Variants in FBXO34 observed in about 807,000 individuals in gnomAD.
FBXO34 encodes F-box protein 34, also known as F-box only protein 34.
FBXO34 carries 12 observed loss-of-function variants against 24.5 expected under a neutral mutation model. The observed-to-expected ratio is 0.49, with a 90% CI of 0.31 to 0.79. FBXO34 has a LOEUF of 0.79. Among genes scored for constraint, FBXO34 ranks in the 30% least tolerant of loss-of-function variants. FBXO34 has a pLI of 0.04. For missense variants in FBXO34, 823 were observed against 857.7 expected (o/e 0.96, Z 0.51); for synonymous variants, 320 against 311.9 (o/e 1.03, Z -0.27).
At chr14:55,381,870 A>T in the FBXO34 span, 1 of 1,072,996 alleles carries the variant, frequency 9.3e-7, no homozygotes, top group Non-Finnish European at 1.4e-6. Flanking sequence ...AATGCCCCTG[A>T]ATGGTTCACT....
chr14:55,332,794 A>T (rs1285087827), intron 1 of FBXO34, among the ~76,000 whole-genome samples: 1 of 152,150 alleles, frequency 6.6e-6, no homozygotes, highest in African/African-American at 2.4e-5. Flanking sequence ...TTCACTTTCT[A>T]AACTTTTATC....
the FBXO34 span, among the ~76,000 whole-genome samples, chr14:55,439,062 C>T: frequency 0.52 from 78,586 of 150,916 alleles, 20,624 homozygotes; most frequent in East Asian, 0.65. Context: ...CTCAGCCTCC[C>T]GAGTAGCTGG....
chr14:55,412,934 C>T, the FBXO34 span, among the ~76,000 whole-genome samples: 1 of 152,192 alleles, frequency 6.6e-6, no homozygotes, highest in Non-Finnish European at 1.5e-5. Flanking sequence ...ATTAGCCCGT[C>T]CCTCCCTGTT....
At chr14:55,304,497 C>T (rs1002618565) in intron 1 of FBXO34, among the ~76,000 whole-genome samples, 2 of 151,662 alleles carry the variant, frequency 1.3e-5, no homozygotes, top group Non-Finnish European at 2.9e-5. Flanking sequence ...CAGCCAGTCC[C>T]TCACCCTGCT....
chr14:55,416,470 A>T, the FBXO34 span, among the ~76,000 whole-genome samples: 1 of 152,188 alleles, frequency 6.6e-6, no homozygotes, highest in Non-Finnish European at 1.5e-5. Context: ...AATAAAGAGA[A>T]GAAAAGTTAT....
At chr14:55,274,394 G>T (rs1881265847) in intron 1 of FBXO34, among the ~76,000 whole-genome samples, 1 of 152,182 alleles carries the variant, frequency 6.6e-6, no homozygotes, top group African/African-American at 2.4e-5. Flanking sequence ...CATTTTTACA[G>T]TCTGTTTCTA....
At chr14:55,369,887 G>A, downstream of FBXO34, 2 of 1,613,964 alleles carry the variant, frequency 1.2e-6, no homozygotes, top group Non-Finnish European at 8.5e-7. Context: ...AAATTCCATG[G>A]ACTCCTCAAG....
At chr14:55,433,938 T>A in the FBXO34 span, among the ~76,000 whole-genome samples, 1 of 152,224 alleles carries the variant, frequency 6.6e-6, no homozygotes, top group African/African-American at 2.4e-5. Context: ...TAAATTTGAA[T>A]GCCTGTTATG....
chr14:55,294,787 C>G (rs538286980), intron 1 of FBXO34, among the ~76,000 whole-genome samples: 1 of 152,116 alleles, frequency 6.6e-6, no homozygotes. Flanking sequence ...TATTGCTTTG[C>G]CCAATACATC....
intron 1 of FBXO34, among the ~76,000 whole-genome samples, chr14:55,319,460 T>C (rs1883052267): frequency 6.6e-6 from 1 of 152,226 alleles, no homozygotes; most frequent in African/African-American, 2.4e-5. Context: ...ATTCTGTCCT[T>C]CTTCCCTCAC....
the FBXO34 span, chr14:55,380,710 AC>A: frequency 6.6e-7 from 1 of 1,517,650 alleles, no homozygotes; most frequent in Non-Finnish European, 9.0e-7. Flanking sequence ...GAAAACAACC[AC>A]CATGTACAAA....
chr14:55,369,867 C>T (rs865972356), downstream of FBXO34: 16 of 1,613,994 alleles, frequency 9.9e-6, no homozygotes, highest in Middle Eastern at 1.6e-4. Flanking sequence ...CCAGCAACTC[C>T]GGGATCCACA....
At chr14:55,298,491 G>A (rs1260823233) in intron 1 of FBXO34, among the ~76,000 whole-genome samples, 1 of 152,172 alleles carries the variant, frequency 6.6e-6, no homozygotes, top group African/African-American at 2.4e-5. Context: ...GAGTCAGTGA[G>A]CCCTTATGTT....
intron 1 of FBXO34, among the ~76,000 whole-genome samples, chr14:55,290,450 A>G (rs1451447264): frequency 6.6e-6 from 1 of 152,174 alleles, no homozygotes; most frequent in Non-Finnish European, 1.5e-5. Context: ...TAATGGATAC[A>G]GTAACATACA....
At chr14:55,299,080 A>G in intron 1 of FBXO34, 1 of 1,472,122 alleles carries the variant, frequency 6.8e-7, no homozygotes, top group Non-Finnish European at 9.5e-7. Context: ...TTTGGAGAAA[A>G]GTCTGACGAG....
At chr14:55,286,780 T>C (rs1313669269) in intron 1 of FBXO34, among the ~76,000 whole-genome samples, 1 of 152,168 alleles carries the variant, frequency 6.6e-6, no homozygotes, top group African/African-American at 2.4e-5. Context: ...TCTTACATGC[T>C]TGGGACCAGA....
chr14:55,395,249 G>A, the FBXO34 span: 1 of 350,974 alleles, frequency 2.8e-6, no homozygotes, highest in African/African-American at 2.2e-5. Context: ...CTGCAGGGAA[G>A]GCGTGTGCCA....
chr14:55,320,226 G>A (rs1372110963), intron 1 of FBXO34, among the ~76,000 whole-genome samples: 1 of 152,170 alleles, frequency 6.6e-6, no homozygotes, highest in African/African-American at 2.4e-5. Flanking sequence ...CATTGGCATG[G>A]TTTGGGGAGA....
At chr14:55,378,058 T>A in the FBXO34 span, 1 of 1,612,966 alleles carries the variant, frequency 6.2e-7, no homozygotes, top group Non-Finnish European at 8.5e-7. Flanking sequence ...TTGCTTAGAT[T>A]TTCGCCACAA....
Sources: allele counts gnomAD v4.1 joint callset (sites outside exome capture counted in the v4.1 genomes callset), GRCh38; gene constraint gnomAD v4.1.1; transcripts MANE v1.5; gene names NCBI Gene and HGNC (gene_info 2026-07-23, HGNC 2026-07-21).